RSAD1: variants seen among roughly 807,000 people sequenced by gnomAD.
The protein encoded by RSAD1 is radical S-adenosyl methionine domain containing 1.
In RSAD1, 34 loss-of-function variants were observed where a neutral mutation model predicts 46.2. The ratio of observed to expected loss-of-function variants is 0.74; its 90% CI spans 0.56 to 0.98. The LOEUF (loss-of-function observed/expected upper bound fraction) is 0.98, where lower values mean the gene tolerates loss of function less well. Ranked by LOEUF, RSAD1 falls within the 50% of genes least tolerant of loss-of-function variation. The probability of loss-of-function intolerance (pLI) is 0.00; values close to 1 mark genes in which losing one functional copy is unlikely to be tolerated. For synonymous variants in RSAD1, 260 were observed against 253.5 expected, an observed-to-expected ratio of 1.03 and a Z score of -0.24; for missense variants, 635 against 592.3, an observed-to-expected ratio of 1.07 and a Z score of -0.75.
At chr17:50,479,126 C>T (rs2033347294) in intron 1 of RSAD1, 107 bp downstream of exon 1, 3 of 1,156,326 alleles carry the variant, frequency 2.6e-6, no homozygotes, top group South Asian at 3.3e-5. Flanking sequence ...AACCCGCCTG[C>T]CGTGTTTCCG....
At chr17:50,482,766 C>T in intron 5 of RSAD1, 60 bp downstream of exon 5, 2 of 1,524,076 alleles carry the variant, frequency 1.3e-6, no homozygotes, top group Non-Finnish European at 1.8e-6. Context: ...GCTGTGTGAA[C>T]TTGGGCCACA....
chr17:50,479,477 G>A (rs1567869049), intron 1 of RSAD1, 152 bp from the exon 2 acceptor site: 1 of 885,472 alleles, frequency 1.1e-6, no homozygotes, highest in Non-Finnish European at 1.7e-6. Context: ...ACCCCAGTGC[G>A]ACCTGCCTTG....
In RSAD1 at chr17:50,484,915, C is replaced by T. The variant is rs187211567; in HGVS notation, c.*54C>T. 37 of 1,411,892 alleles carry T rather than the reference C, an allele frequency of 2.6e-5. 1 individual carries two copies. The highest frequency in any genetic ancestry group is 1.2e-4 in the Admixed American group (7 of 59,360). The allele number at this position is 1,411,892 out of a possible 1,614,324, so 87.5% of individuals were successfully genotyped here. A position where few individuals can be genotyped will look rare whatever the true frequency, so the allele number is the denominator to read the frequency against. Reference sequence around the variant, plus strand: ...GCCAGGTGGGTTTTGAGAGCTGGGTCGGTACTGCAGACATCTCTTCTCCGT... The same window carrying T: ...GCCAGGTGGGTTTTGAGAGCTGGGTTGGTACTGCAGACATCTCTTCTCCGT... On this transcript the variant is annotated 3_prime_UTR_variant, in exon 9 of 9. Transcript: ENST00000258955.
At chr17:50,484,686 T>G (rs72834177) in intron 8 of RSAD1, 58 bp from the exon 9 acceptor site, 345,365 of 1,552,388 alleles carry the variant, frequency 0.22, 42,234 homozygotes, top group African/African-American at 0.44. Context: ...CCCTGCTGGG[T>G]GATGGGCTTG....
In RSAD1 at chr17:50,482,341, G is replaced by A. The variant is rs1341932791; in HGVS notation, c.725G>A (p.Arg242Gln). 3.7e-6 allele frequency: 6 copies of A among 1,612,324 alleles called. No individual in the cohort carries two copies. Among genetic ancestry groups the A allele is most frequent in the African/African-American group, 1.3e-5 (1 of 74,904 alleles). Reference sequence around the variant, plus strand: ...ACCGCACTCTTCGCCCAGGTGCAGCGGGGTGCCCTTCCAGCCCCTGACCCG... The same window carrying A: ...ACCGCACTCTTCGCCCAGGTGCAGCAGGGTGCCCTTCCAGCCCCTGACCCG... ...RGTALFAQVQ[R>Q]GALPAPDPEL... is the part of the protein sequence containing the mutation. Residue 242 changes from arginine to glutamine, a missense_variant, in exon 4 of 9, where the codon CGG (arginine) becomes CAG (glutamine). Physicochemically the swap from Arg to Gln is conservative, Grantham distance 43. Transcript: ENST00000258955.
In RSAD1 at chr17:50,482,651, C is replaced by T. The variant is rs1326492505; in HGVS notation, c.849C>T (p.Leu283=). Residue 283 remains leucine, a synonymous_variant, in exon 5 of 9, where the codon CTC becomes CTT. Coordinates refer to ENST00000258955, the MANE Select transcript of RSAD1 (RefSeq NM_018346.3). The stretch of plus-strand genomic sequence containing the variant: ...TTCCTCCCTCCCCGCAGGGGGCGCT[C>T]AGTACCCACAATTGGACTTACTGGC... ...EVSNFARNGA[L]STHNWTYWQC... is the part of the protein sequence containing the mutation. 1.2e-6 allele frequency: 2 copies of T among 1,614,052 alleles called. No individual in the cohort carries two copies. The highest frequency in any genetic ancestry group is 2.7e-5 in the African/African-American group (2 of 74,934).
Position 50,482,219 on chromosome 17 carries a change from G to T in RSAD1, c.603G>T (p.Pro201=). ...RVSVDLMLGL[P]AQQVGPWLGQ... Reference sequence around the variant, plus strand: ...CTGTAGACTTGATGCTGGGGCTGCCGGCACAGCAGGTGGGGCCGTGGCTTG... The same window carrying T: ...CTGTAGACTTGATGCTGGGGCTGCCTGCACAGCAGGTGGGGCCGTGGCTTG... The change falls in exon 4 of 9, where the codon CCG becomes CCT. Residue 201 remains proline (P), a synonymous_variant. Coordinates refer to ENST00000258955, the MANE Select transcript of RSAD1 (RefSeq NM_018346.3). 6.4e-7 allele frequency: 1 copy of T among 1,566,918 alleles called. No homozygotes were observed. The highest frequency in any genetic ancestry group is 1.4e-5 in the African/African-American group (1 of 73,830).
Position 50,482,176 on chromosome 17 carries a change from T to G in RSAD1, c.560T>G (p.Leu187Arg). The change falls in exon 4 of 9, where the codon CTC becomes CGC. Residue 187 changes from leucine (L) to arginine (R), a missense_variant. By Grantham distance (102) the Leu-to-Arg change is moderately radical. Coordinates refer to ENST00000258955, the MANE Select transcript of RSAD1 (RefSeq NM_018346.3). ...ALRTLAEARRLFPGRVSVDLM... is the reference protein window; with the variant it reads ...ALRTLAEARRRFPGRVSVDLM... The stretch of plus-strand genomic sequence containing the variant: ...CGGACGCTGGCAGAGGCCCGGCGCC[T>G]CTTTCCCGGGCGCGTGTCTGTAGAC... 6.3e-7 allele frequency: 1 copy of G among 1,582,326 alleles called. No individual in the cohort carries two copies. Among genetic ancestry groups the G allele is most frequent in the Non-Finnish European group, 8.6e-7 (1 of 1,161,708 alleles).
chr17:50,480,093 T>A lies in RSAD1; in HGVS notation c.474+9T>A. On this transcript the variant is annotated intron_variant, in intron 3 of 8. Coordinates refer to ENST00000258955, the MANE Select transcript of RSAD1 (RefSeq NM_018346.3). ...TGTCTATAGGCCTCCAGGTAACCCA[T>A]GGCACTCACCCCATCCCAGTGCACC... 1 of 1,613,668 alleles carries A rather than the reference T, an allele frequency of 6.2e-7. No homozygotes were observed. Among genetic ancestry groups the A allele is most frequent in the Non-Finnish European group, 8.5e-7 (1 of 1,179,860 alleles).
chr17:50,479,800 A>G (rs1457946380), intron 2 of RSAD1, 38 bp downstream of exon 2: 1 of 1,590,566 alleles, frequency 6.3e-7, no homozygotes, highest in Non-Finnish European at 8.6e-7. Context: ...TTTGGGAAAT[A>G]TTTGGAGGAG....
In RSAD1 at chr17:50,483,423, A is replaced by T; in HGVS notation, c.988A>T (p.Met330Leu). Residue 330 changes from methionine (M) to leucine (L), a missense_variant, in exon 6 of 9, where the codon ATG becomes TTG. Met to Leu is a conservative substitution (Grantham distance 15, BLOSUM62 2). Coordinates refer to ENST00000258955, the MANE Select transcript of RSAD1 (RefSeq NM_018346.3). ...RIQTLEPDNWMKEVMLFGHGT... is the reference protein window; with the variant it reads ...RIQTLEPDNWLKEVMLFGHGT... ...CCAGACACTGGAGCCTGACAACTGG[A>T]TGAAGGAGGTGATGCTGTTTGGCCA... The T allele has an allele frequency of 6.2e-7, 1 of 1,613,822 alleles. No individual in the cohort carries two copies. Among genetic ancestry groups the T allele is most frequent in the Middle Eastern group, 1.6e-4 (1 of 6,062 alleles).
intron 5 of RSAD1, 71 bp from the exon 6 acceptor site, chr17:50,483,269 A>G (rs768968686): frequency 1.2e-5 from 18 of 1,495,092 alleles, no homozygotes; most frequent in Non-Finnish European, 1.2e-5. Flanking sequence ...TCCAGGGACC[A>G]CATGATTTAA....
intron 3 of RSAD1, among the ~76,000 whole-genome samples, chr17:50,481,371 C>T (rs1313871899): frequency 6.6e-6 from 1 of 152,240 alleles, no homozygotes; most frequent in South Asian, 2.1e-4. Flanking sequence ...AGGAAATACA[C>T]ACCTAAGTAT....
At position 50,480,073 on chromosome 17, in the gene RSAD1, A is replaced by C. The variant is rs1157251105; in HGVS notation, c.463A>C (p.Ile155Leu). ...FGAAGVNRLS[I>L]GLQSLDDTEL... ...GGCAGCAGGGGTTAACAGGTTGTCT[A>C]TAGGCCTCCAGGTAACCCATGGCAC... Residue 155 changes from isoleucine to leucine, a missense_variant, in exon 3 of 9, where the codon ATA (isoleucine) becomes CTA (leucine). Transcript: ENST00000258955. The C allele has an allele frequency of 1.2e-6, 2 of 1,613,888 alleles. No homozygotes were observed. The highest frequency in any genetic ancestry group is 1.3e-5 in the African/African-American group (1 of 74,938).
In RSAD1 at chr17:50,482,413, A is replaced by G. The variant is rs756307693; in HGVS notation, c.797A>G (p.Glu266Gly). Residue 266 changes from glutamate (E) to glycine (G), a missense_variant, in exon 4 of 9, where the codon GAG becomes GGG. Transcript: ENST00000258955. ...CAGAGGGGCCGGGCTGTCCTTCGGG[A>G]GGCTGGCTTCCACCAGTATGAGGTC... Reference protein sequence around the residue: ...MYQRGRAVLREAGFHQYEVSN... With the variant: ...MYQRGRAVLRGAGFHQYEVSN... 1 of 1,588,624 alleles carries G rather than the reference A, an allele frequency of 6.3e-7. No homozygotes were observed. Among genetic ancestry groups the G allele is most frequent in the East Asian group, 2.2e-5 (1 of 44,704 alleles).
intron 5 of RSAD1, among the ~76,000 whole-genome samples, 182 bp from the exon 6 acceptor site, chr17:50,483,158 G>A (rs1465364756): frequency 1.9e-5 from 2 of 104,766 alleles, no homozygotes; most frequent in African/African-American, 8.1e-5. Flanking sequence ...GGGCAGTATA[G>A]TGAGACACCA....
Position 50,478,888 on chromosome 17 carries a change from G to A in RSAD1, c.4G>A (p.Ala2Thr). The change falls in exon 1 of 9, where the codon GCG (alanine) becomes ACG (threonine). Residue 2 changes from alanine (A) to threonine (T), a missense_variant. Coordinates refer to ENST00000258955, the MANE Select transcript of RSAD1 (RefSeq NM_018346.3). Reference protein sequence around the residue: MALPGARARGWA... With the variant: MTLPGARARGWA... ...GCGCCGCGCTGCGCTGGGCGCCATG[G>A]CGCTCCCCGGAGCCCGGGCTCGCGG... The A allele has an allele frequency of 1.5e-6, 2 of 1,306,988 alleles. No individual in the cohort carries two copies. The highest frequency in any genetic ancestry group is 2.3e-5 in the South Asian group (1 of 42,590). 81.0% of individuals were successfully genotyped at this position (1,306,988 alleles called of 1,614,324 possible).
At chr17:50,482,849 G>A in intron 5 of RSAD1, 143 bp downstream of exon 5, 6 of 725,328 alleles carry the variant, frequency 8.3e-6, no homozygotes, top group Non-Finnish European at 1.4e-5. Flanking sequence ...TAGAACTGTT[G>A]AGCATGAATT....
At chr17:50,483,683 C>T (rs1481643485) in intron 6 of RSAD1, 23 bp from the exon 7 acceptor site, 2 of 1,613,268 alleles carry the variant, frequency 1.2e-6, no homozygotes, top group African/African-American at 1.3e-5. Flanking sequence ...CTCTCTAAGA[C>T]TCCTTGGTGA....
Sources: gnomAD v4.1 joint callset for allele counts (sites outside exome capture counted in the v4.1 genomes callset) on GRCh38, gnomAD v4.1.1 for gene constraint, MANE v1.5 for transcripts, NCBI Gene and HGNC (gene_info 2026-07-23, HGNC 2026-07-21) for gene names.